Variants in PEAK1 observed in about 807,000 individuals in gnomAD.
PEAK1 encodes inactive tyrosine-protein kinase PEAK1.
PEAK1 carries 54 observed loss-of-function variants against 124.7 expected under a neutral mutation model. That is an observed-to-expected ratio of 0.43 (90% confidence interval 0.35 to 0.54). The LOEUF is 0.54. Among genes scored for constraint, PEAK1 ranks in the 20% least tolerant of loss-of-function variants. PEAK1 has a pLI of 0.01. For missense variants in PEAK1, 2,046 were observed against 2,134.5 expected (o/e 0.96, Z 0.82); for synonymous variants, 719 against 760.0 (o/e 0.95, Z 0.89).
intron 2 of PEAK1, among the ~76,000 whole-genome samples, chr15:77,313,682 G>GTATATATATATA (rs1567244747): frequency 5.1e-5 from 6 of 118,612 alleles, no homozygotes; most frequent in African/African-American, 2.4e-4. Context: ...GTGTGTGTGT[G>GTATATATATATA]TGTGTGTGTG....
chr15:77,311,685 C>CAAAAAA (rs11296386), intron 2 of PEAK1, among the ~76,000 whole-genome samples: 132 of 85,654 alleles, frequency 1.5e-3, no homozygotes, highest in South Asian at 2.8e-3. Context: ...CCAACCCCCA[C>CAAAAAA]AAAAAAAAAA....
Position 77,133,824 on chromosome 15 carries a change from A to G in PEAK1, c.3332-74T>C. 1 of 1,437,082 alleles carries G rather than the reference A, an allele frequency of 7.0e-7. No individual in the cohort carries two copies. 89.0% of individuals were successfully genotyped at this position (1,437,082 alleles called of 1,614,324 possible). On this transcript the variant is annotated intron_variant, in intron 8 of 9. Transcript: ENST00000682557. This position sits in a 1 kb window ranked among gnomAD's most constrained non-coding sequence, Gnocchi z 4.2. ...AATCTAATTTTATAACTGAAACTTG[A>G]GCAGAAATGAGTGAGGTAGCCATGG...
At chr15:77,420,111 A>T (rs2073261932), upstream of PEAK1, 1 of 149,510 alleles carries the variant, frequency 6.7e-6, no homozygotes, top group African/African-American at 2.5e-5. Flanking sequence ...GACTAACAAC[A>T]ACTAACTAAC....
At chr15:77,419,852 G>GCGCCACCCAGAACCCGCGC (rs894557105) in intron 1 of PEAK1, among the ~76,000 whole-genome samples, 154 bp downstream of exon 1, 110 of 148,904 alleles carry the variant, frequency 7.4e-4, no homozygotes, top group African/African-American at 1.6e-3. Flanking sequence ...CCCGGCGGCG[G>GCGCCACCCAGAACCCGCGC]CGCCACCCAG....
At chr15:77,401,940 T>C (rs2071403505) in intron 1 of PEAK1, 3 of 980,420 alleles carry the variant, frequency 3.1e-6, no homozygotes, top group Non-Finnish European at 2.4e-6. Context: ...GGCTCACACC[T>C]GTAATCCCAG....
At chr15:77,318,189 A>AC (rs2064992125) in intron 2 of PEAK1, among the ~76,000 whole-genome samples, 1 of 152,084 alleles carries the variant, frequency 6.6e-6, no homozygotes, top group Non-Finnish European at 1.5e-5. Context: ...ACACACACAA[A>AC]TGTATATAAA....
chr15:77,144,359 G>A (rs1268049178), intron 8 of PEAK1, among the ~76,000 whole-genome samples: 1 of 152,192 alleles, frequency 6.6e-6, no homozygotes, highest in African/African-American at 2.4e-5. Flanking sequence ...ACCAAATGAA[G>A]CCTTCCCTAC....
At chr15:77,262,581 C>A (rs1306836338) in intron 5 of PEAK1, among the ~76,000 whole-genome samples, 10 of 151,502 alleles carry the variant, frequency 6.6e-5, no homozygotes, top group Admixed American at 4.6e-4. Context: ...TATATGCACC[C>A]AATACAGGAG....
At chr15:77,286,345 G>T in intron 3 of PEAK1, 78 bp downstream of exon 3, 1 of 803,514 alleles carries the variant, frequency 1.2e-6, no homozygotes, top group Non-Finnish European at 1.7e-6. Context: ...GATTTTTGCT[G>T]AAATAAGACA....
intron 9 of PEAK1, among the ~76,000 whole-genome samples, chr15:77,127,023 A>G (rs2052429837): frequency 6.6e-6 from 1 of 152,242 alleles, no homozygotes; most frequent in Non-Finnish European, 1.5e-5. Context: ...TTTTGGAGAC[A>G]GGGCTAACAA....
At chr15:77,105,316 T>TGGTG (rs1029154735), downstream of PEAK1, 1 of 118,904 alleles carries the variant, frequency 8.4e-6, no homozygotes, top group South Asian at 2.8e-4. Flanking sequence ...AGCCATTAGT[T>TGGTG]GGTGTGTGTG....
At chr15:77,125,519 T>C (rs982628948) in intron 9 of PEAK1, among the ~76,000 whole-genome samples, 1 of 152,106 alleles carries the variant, frequency 6.6e-6, no homozygotes, top group African/African-American at 2.4e-5. Flanking sequence ...TGTGTATATA[T>C]ATCACCACAT....
chr15:77,404,781 A>G (rs775575161), intron 1 of PEAK1: 22 of 970,274 alleles, frequency 2.3e-5, no homozygotes, highest in Non-Finnish European at 2.7e-5. Context: ...GCAGGTTATC[A>G]GATTATTAAA....
At chr15:77,347,590 T>A (rs983511116) in intron 2 of PEAK1, 11 of 985,236 alleles carry the variant, frequency 1.1e-5, no homozygotes, top group Non-Finnish European at 1.3e-5. Flanking sequence ...CTAATACTTG[T>A]TTGACCTACA....
At chr15:77,171,240 C>G (rs1408958440) in intron 7 of PEAK1, among the ~76,000 whole-genome samples, 1 of 152,156 alleles carries the variant, frequency 6.6e-6, no homozygotes, top group Admixed American at 6.5e-5. Flanking sequence ...TTGCTTTGCA[C>G]TCTTAAAAAT....
intron 4 of PEAK1, among the ~76,000 whole-genome samples, chr15:77,284,310 A>G (rs2062814129): frequency 6.6e-6 from 1 of 152,234 alleles, no homozygotes; most frequent in South Asian, 2.1e-4. Context: ...GCAACCAAAA[A>G]TTCTTAGCTA....
At chr15:77,243,694 G>A (rs530530100) in intron 6 of PEAK1, among the ~76,000 whole-genome samples, 18 of 152,218 alleles carry the variant, frequency 1.2e-4, no homozygotes, top group South Asian at 2.1e-4. Context: ...GATGGGCCAG[G>A]TGTGGTGGCT....
chr15:77,350,400 C>T (rs2067135377), intron 2 of PEAK1: 1 of 985,334 alleles, frequency 1.0e-6, no homozygotes, highest in Non-Finnish European at 1.2e-6. Flanking sequence ...TCAGCAAGGA[C>T]TATCACTGAA....
At chr15:77,350,083 C>T (rs543180158) in intron 2 of PEAK1, 3 of 985,210 alleles carry the variant, frequency 3.0e-6, no homozygotes, top group South Asian at 4.7e-5. Context: ...TTTGTGCAAA[C>T]ATAATAAGAG....
Sources: gnomAD v4.1 joint callset for allele counts (sites outside exome capture counted in the v4.1 genomes callset) on GRCh38, gnomAD v4.1.1 for gene constraint, Gnocchi (gnomAD v3.1) non-coding constraint, MANE v1.5 for transcripts, NCBI Gene and HGNC (gene_info 2026-07-23, HGNC 2026-07-21) for gene names.